Variants in RBFOX1 observed in about 807,000 individuals in gnomAD.
RBFOX1 encodes RNA binding fox-1 homolog 1, also known as RNA binding protein fox-1 homolog 1.
A neutral mutation model predicts 57.7 loss-of-function variants in RBFOX1; 8 were observed. The observed-to-expected ratio is 0.14, with a 90% CI of 0.08 to 0.25. RBFOX1 has a LOEUF of 0.25. RBFOX1 is among the 10% of genes least tolerant of loss of function. The pLI is 1.00. For synonymous variants in RBFOX1, 326 were observed against 222.4 expected (o/e 1.47, Z -4.15); for missense variants, 611 against 548.5 (o/e 1.11, Z -1.14).
chr16:6,448,176 T>TTTTC (rs1471443478), intron 2 of RBFOX1, among the ~76,000 whole-genome samples: 4 of 144,910 alleles, frequency 2.8e-5, no homozygotes, highest in Non-Finnish European at 4.5e-5. Flanking sequence ...TTTTTTTTTT[T>TTTTC]TGAGATGGAA....
intron 3 of RBFOX1, among the ~76,000 whole-genome samples, chr16:6,873,717 C>G (rs766573733): frequency 6.6e-6 from 1 of 152,150 alleles, no homozygotes; most frequent in Non-Finnish European, 1.5e-5. Context: ...CACTATCATC[C>G]TCTCATTGTC....
intron 4 of RBFOX1, among the ~76,000 whole-genome samples, chr16:5,918,035 C>T (rs1177095684): frequency 2.0e-5 from 3 of 152,294 alleles, no homozygotes; most frequent in South Asian, 4.1e-4. Flanking sequence ...GAAAGCCCTC[C>T]TTTCACAGGT....
chr16:6,271,094 G>A (rs1004502372), intron 1 of RBFOX1, among the ~76,000 whole-genome samples: 1 of 152,250 alleles, frequency 6.6e-6, no homozygotes, highest in African/African-American at 2.4e-5. Flanking sequence ...AAGAGGAAAA[G>A]CTTCAAATCA....
chr16:6,715,343 G>A (rs539921481), intron 3 of RBFOX1, among the ~76,000 whole-genome samples: 75 of 152,098 alleles, frequency 4.9e-4, no homozygotes, highest in Middle Eastern at 3.4e-3. Flanking sequence ...ACCAGGGTGC[G>A]GAGGGACAGA....
chr16:7,533,488 C>T (rs772210090), intron 5 of RBFOX1, among the ~76,000 whole-genome samples: 2 of 152,150 alleles, frequency 1.3e-5, no homozygotes, highest in African/African-American at 2.4e-5. Flanking sequence ...GGGCTATGTC[C>T]CAATAAATCC....
At chr16:6,996,065 G>A (rs920813663) in intron 3 of RBFOX1, among the ~76,000 whole-genome samples, 6 of 152,280 alleles carry the variant, frequency 3.9e-5, no homozygotes, top group African/African-American at 9.6e-5. Context: ...GCCATGGGGC[G>A]TCTTGAAGAC....
At chr16:7,631,192 G>T (rs2060895835) in intron 11 of RBFOX1, among the ~76,000 whole-genome samples, 1 of 152,120 alleles carries the variant, frequency 6.6e-6, no homozygotes, top group African/African-American at 2.4e-5. Context: ...AGGAGGAGCA[G>T]AGAGAGAAAT....
chr16:7,036,906 A>G (rs945348522), intron 3 of RBFOX1, among the ~76,000 whole-genome samples: 1 of 152,072 alleles, frequency 6.6e-6, no homozygotes, highest in Admixed American at 6.6e-5. Flanking sequence ...TCCCATTTTT[A>G]TGGTTATTTC....
chr16:5,876,772 C>T (rs975422663), intron 4 of RBFOX1, among the ~76,000 whole-genome samples: 1 of 152,228 alleles, frequency 6.6e-6, no homozygotes, highest in Non-Finnish European at 1.5e-5. Flanking sequence ...CACTCCAGCT[C>T]TCAGACTCTG....
intron 1 of RBFOX1, among the ~76,000 whole-genome samples, chr16:5,318,770 A>G (rs1348512298): frequency 6.6e-6 from 1 of 152,184 alleles, no homozygotes; most frequent in Non-Finnish European, 1.5e-5. Flanking sequence ...TTAAGGTCTC[A>G]GTTTGGCTGA....
chr16:6,906,678 G>T (rs1329367108), intron 3 of RBFOX1, among the ~76,000 whole-genome samples: 1 of 151,766 alleles, frequency 6.6e-6, no homozygotes, highest in African/African-American at 2.4e-5. Context: ...CTTAAAAAGA[G>T]CCTAGTTCAG....
chr16:7,232,465 A>G (rs1603414517), intron 4 of RBFOX1, among the ~76,000 whole-genome samples: 1 of 152,312 alleles, frequency 6.6e-6, no homozygotes, highest in East Asian at 1.9e-4. Flanking sequence ...TGCTCAATAA[A>G]TAGCCTGCAT....
chr16:7,114,276 T>C (rs560808163), intron 4 of RBFOX1, among the ~76,000 whole-genome samples: 9 of 152,236 alleles, frequency 5.9e-5, no homozygotes, highest in Non-Finnish European at 8.8e-5. Context: ...GTACACATTT[T>C]GGAGATTTTA....
chr16:6,573,580 G>A (rs1386494162), intron 2 of RBFOX1, among the ~76,000 whole-genome samples: 2 of 152,168 alleles, frequency 1.3e-5, no homozygotes, highest in African/African-American at 4.8e-5. Flanking sequence ...TACACATAGT[G>A]CGATTTTGAA....
At chr16:7,360,729 A>C (rs1440468780) in intron 4 of RBFOX1, among the ~76,000 whole-genome samples, 1 of 152,172 alleles carries the variant, frequency 6.6e-6, no homozygotes, top group African/African-American at 2.4e-5. Context: ...CACACAGCCA[A>C]TGTCCCACAC....
chr16:5,954,576 A>AG (rs1472909064), intron 4 of RBFOX1, among the ~76,000 whole-genome samples: 1 of 152,172 alleles, frequency 6.6e-6, no homozygotes, highest in Admixed American at 6.5e-5. Flanking sequence ...CAAAGGGGGC[A>AG]GGCCAGAAAG....
At chr16:6,038,097 AC>A (rs2095390386) in intron 1 of RBFOX1, 1 of 151,916 alleles carries the variant, frequency 6.6e-6, no homozygotes, top group South Asian at 2.1e-4. Flanking sequence ...GACTCCGCAA[AC>A]CATATTTTCT....
At chr16:7,611,071 G>C (rs2057379984) in intron 10 of RBFOX1, among the ~76,000 whole-genome samples, 1 of 152,138 alleles carries the variant, frequency 6.6e-6, no homozygotes, top group African/African-American at 2.4e-5. Flanking sequence ...ATAAGGTTGT[G>C]TGTTAATGAC....
At chr16:7,597,503 C>A in intron 9 of RBFOX1, 72 bp downstream of exon 9, 1 of 1,352,024 alleles carries the variant, frequency 7.4e-7, no homozygotes, top group Non-Finnish European at 1.0e-6. Flanking sequence ...ACCAGAGATT[C>A]TATTACAACA....
Sources: gnomAD v4.1 joint callset for allele counts (sites outside exome capture counted in the v4.1 genomes callset) on GRCh38, gnomAD v4.1.1 for gene constraint, MANE v1.5 for transcripts, NCBI Gene and HGNC (gene_info 2026-07-23, HGNC 2026-07-21) for gene names.